The following POMT2 variants were observed in gnomAD, a reference collection of about 807,000 sequenced individuals.
POMT2 encodes protein O-mannosyltransferase 2, also known as protein O-mannosyl-transferase 2.
A neutral mutation model predicts 100.0 loss-of-function variants in POMT2; 75 were observed. That is an observed-to-expected ratio of 0.75 (90% confidence interval 0.62 to 0.91). The LOEUF is 0.91. Among genes scored for constraint, POMT2 ranks in the 40% least tolerant of loss-of-function variants. The pLI is 0.00. For synonymous variants in POMT2, 378 were observed against 374.1 expected (o/e 1.01, Z -0.12); for missense variants, 940 against 955.1 (o/e 0.98, Z 0.21).
intron 6 of POMT2, 183 bp downstream of exon 6, chr14:77,300,907 C>T: frequency 1.0e-6 from 1 of 957,004 alleles, no homozygotes; most frequent in African/African-American, 1.6e-5. Context: ...GAACCCTATC[C>T]AGTCCTCAGC....
intron 10 of POMT2, among the ~76,000 whole-genome samples, chr14:77,290,144 T>C (rs1020270718): frequency 6.6e-6 from 1 of 152,136 alleles, no homozygotes; most frequent in Non-Finnish European, 1.5e-5. Context: ...TCTATAAAGC[T>C]CCCACAAAAT....
chr14:77,320,537 A>T lies in POMT2; in HGVS notation c.145T>A (p.Ser49Thr). The T allele has an allele frequency of 1.9e-6, 3 of 1,561,720 alleles. No individual in the cohort carries two copies. The highest frequency in any genetic ancestry group is 2.6e-6 in the Non-Finnish European group (3 of 1,159,412). ...ARSPKRPAWG[S>T]RRFEAVGWWA... ...CAGCCGACCGCCTCGAAGCGCCGTG[A>T]GCCCCAAGCAGGCCGTTTGGGGCTT... Residue 49 changes from serine (S) to threonine (T), a missense_variant, in exon 1 of 21, where the codon TCA becomes ACA. Transcript: ENST00000261534.
At chr14:77,289,128 C>T (rs1010498634) in intron 10 of POMT2, among the ~76,000 whole-genome samples, 1 of 151,882 alleles carries the variant, frequency 6.6e-6, no homozygotes, top group Non-Finnish European at 1.5e-5. Flanking sequence ...CAGTGGCTCA[C>T]GCCTGTAATC....
intron 1 of POMT2, among the ~76,000 whole-genome samples, chr14:77,315,063 T>C (rs1168623962): frequency 1.3e-5 from 2 of 152,116 alleles, no homozygotes; most frequent in African/African-American, 2.4e-5. Flanking sequence ...CATCCTAGTA[T>C]GCTGGAGAGC....
intron 1 of POMT2, chr14:77,312,507 C>T (rs141800648): frequency 0.026 from 4,155 of 157,994 alleles, 104 homozygotes; most frequent in South Asian, 0.086. Context: ...ACTAAAAATA[C>T]AAAAAATTAG....
intron 6 of POMT2, chr14:77,299,923 G>A: frequency 6.1e-6 from 2 of 329,684 alleles, no homozygotes; most frequent in Non-Finnish European, 1.2e-5. Context: ...TACTGTCCCA[G>A]CCCAACCCAT....
chr14:77,291,308 C>T lies in POMT2; in HGVS notation c.1183+6G>A. 6.2e-7 allele frequency: 1 copy of T among 1,606,118 alleles called. No individual in the cohort carries two copies. Among genetic ancestry groups the T allele is most frequent in the Non-Finnish European group, 8.5e-7 (1 of 1,178,054 alleles). Reference sequence around the variant, plus strand: ...CACAAGAAGCATCAGTCTCTGACCACATTACCTGAGTTTGTGTTATGTTTC... The same window carrying T: ...CACAAGAAGCATCAGTCTCTGACCATATTACCTGAGTTTGTGTTATGTTTC... On this transcript the variant is annotated splice_donor_region_variant and intron_variant, in intron 10 of 20. Coordinates refer to ENST00000261534, the MANE Select transcript of POMT2 (RefSeq NM_013382.7).
chr14:77,297,598 G>A (rs1452762780), intron 8 of POMT2, among the ~76,000 whole-genome samples: 1 of 152,150 alleles, frequency 6.6e-6, no homozygotes, highest in Non-Finnish European at 1.5e-5. Flanking sequence ...CAGTCTGGGA[G>A]AGTCCGCTGT....
In POMT2 at chr14:77,320,871, C is replaced by T. The variant is rs367747759; in HGVS notation, c.-190G>A. The T allele has an allele frequency of 1.0e-5, 12 of 1,169,762 alleles. No homozygotes were observed. The highest frequency in any genetic ancestry group is 3.1e-4 in the Middle Eastern group (1 of 3,232). 72.5% of individuals were successfully genotyped at this position (1,169,762 alleles called of 1,614,324 possible). On this transcript the variant is annotated 5_prime_UTR_variant, in exon 1 of 21. Transcript: ENST00000261534. Reference sequence around the variant, plus strand: ...GGTCGCGGCCCGGGCCGCTAGGAGGCGGCAGGAGGCGCAGAGCATGTCGGG... The same window carrying T: ...GGTCGCGGCCCGGGCCGCTAGGAGGTGGCAGGAGGCGCAGAGCATGTCGGG...
chr14:77,290,616 T>C (rs72681227), intron 10 of POMT2, among the ~76,000 whole-genome samples: 5,058 of 152,296 alleles, frequency 0.033, 126 homozygotes, highest in Middle Eastern at 0.078. Context: ...AGATGCCCTC[T>C]GTTCTCTTAG....
rs1891855792 is a variant in POMT2 at position 77,320,647 on chromosome 14, G to A, written c.35C>T (p.Ser12Phe). The stretch of plus-strand genomic sequence containing the variant: ...GCGGCCCCTCCGGGGACGCAGCTCG[G>A]ACTCTGCCAGGCCTCCGCCCGTGGC... ...PPATGGGLAE[S>F]ELRPRRGRCG... The change falls in exon 1 of 21, where the codon TCC (serine) becomes TTC (phenylalanine). Residue 12 changes from serine to phenylalanine, a missense_variant. Ser to Phe is a radical substitution (Grantham distance 155, BLOSUM62 -2). Transcript: ENST00000261534. The A allele has an allele frequency of 3.1e-6, 5 of 1,593,808 alleles. No individual in the cohort carries two copies. The highest frequency in any genetic ancestry group is 4.2e-6 in the Non-Finnish European group (5 of 1,178,116).
chr14:77,296,360 C>A lies in POMT2; in HGVS notation c.1007-87G>T. ...GCGAGGAGCCTCGGAAGCCACAGGG[C>A]TCACTAACCCTCTGCGAGACTCCCC... On this transcript the variant is annotated intron_variant, in intron 8 of 20. Coordinates refer to ENST00000261534, the MANE Select transcript of POMT2 (RefSeq NM_013382.7). 5 of 882,606 alleles carry A rather than the reference C, an allele frequency of 5.7e-6. 1 individual carries two copies. In the Admixed American group the frequency reaches 1.0e-4, roughly 18 times the overall value. 54.7% of individuals were successfully genotyped at this position (882,606 alleles called of 1,614,324 possible). A position where few individuals can be genotyped will look rare whatever the true frequency, so the allele number is the denominator to read the frequency against.
chr14:77,280,159 C>A lies in POMT2; in HGVS notation c.1726-79G>T, dbSNP rs1890161003. ...CCCATTAGGGGGAGGAAGATGGTCA[C>A]CTTCCACAGACAGGGAGCCTGGACA... On this transcript the variant is annotated intron_variant, in intron 16 of 20. Coordinates refer to ENST00000261534, the MANE Select transcript of POMT2 (RefSeq NM_013382.7). 5 of 1,609,434 alleles carry A rather than the reference C, an allele frequency of 3.1e-6. No individual in the cohort carries two copies. The Admixed American group carries it at 8.4e-5, about 27-fold the overall frequency.
chr14:77,309,543 C>G (rs1891362341), intron 2 of POMT2, among the ~76,000 whole-genome samples: 2 of 152,150 alleles, frequency 1.3e-5, no homozygotes, highest in Admixed American at 1.3e-4. Context: ...CCAGACAGAA[C>G]ACAGAACCAT....
chr14:77,279,769 T>C lies in POMT2; in HGVS notation c.1891+54A>G, dbSNP rs11625197. 0.29 allele frequency: 448,916 copies of C among 1,550,034 alleles called. 69,454 individuals are homozygous for C. Among genetic ancestry groups the C allele is most frequent in the East Asian group, 0.45 (19,159 of 42,380 alleles). ...GCAGGCAGCCGGCCCTCCCCAGGGG[T>C]GCAGGTGCCCTGCTGCCGCCAGGTC... On this transcript the variant is annotated intron_variant, in intron 18 of 20. Transcript: ENST00000261534.
chr14:77,280,351 T>C, intron 16 of POMT2, 41 bp downstream of exon 16: 1 of 1,613,752 alleles, frequency 6.2e-7, no homozygotes, highest in South Asian at 1.1e-5. Context: ...CTCTTGTTCT[T>C]GGCTCCATTT....
At chr14:77,279,790 A>G (rs774597232) in intron 18 of POMT2, 33 bp downstream of exon 18, 32 of 1,598,630 alleles carry the variant, frequency 2.0e-5, no homozygotes, top group Admixed American at 6.9e-5. Context: ...TGCTGCCGCC[A>G]GGTCAGGGGA....
At position 77,306,359 on chromosome 14, in the gene POMT2, T is replaced by C. The variant is rs1594800188; in HGVS notation, c.416A>G (p.His139Arg). 6.2e-7 allele frequency: 1 copy of C among 1,613,086 alleles called. No individual in the cohort carries two copies. The highest frequency in any genetic ancestry group is 1.1e-5 in the South Asian group (1 of 91,078). The stretch of plus-strand genomic sequence containing the variant: ...TACTCCTCTCATTCCCATGTAGCTG[T>C]GATGCTCATATTTATCCCCAGGCTT... The part of the protein sequence containing the change: ...FQKPGDKYEH[H>R]SYMGMRGFCA... Residue 139 changes from histidine to arginine, a missense_variant, in exon 3 of 21, where the codon CAC becomes CGC. Coordinates refer to ENST00000261534, the MANE Select transcript of POMT2 (RefSeq NM_013382.7).
At chr14:77,291,555 G>A (rs1890643227) in intron 9 of POMT2, 175 bp from the exon 10 acceptor site, 1 of 777,666 alleles carries the variant, frequency 1.3e-6, no homozygotes, top group Non-Finnish European at 2.1e-6. Context: ...ATGTAGCACT[G>A]GTGAGTGAGA....
Sources: gnomAD v4.1 joint callset for allele counts (sites outside exome capture counted in the v4.1 genomes callset) on GRCh38, gnomAD v4.1.1 for gene constraint, MANE v1.5 for transcripts, NCBI Gene and HGNC (gene_info 2026-07-23, HGNC 2026-07-21) for gene names.